COL25A1: variants seen among roughly 807,000 people sequenced by gnomAD.
The protein encoded by COL25A1 is collagen alpha-1(XXV) chain.
A neutral mutation model predicts 128.4 loss-of-function variants in COL25A1; 103 were observed. The observed-to-expected ratio is 0.80, with a 90% CI of 0.68 to 0.94. The LOEUF (loss-of-function observed/expected upper bound fraction) is 0.94. COL25A1 is among the 40% of genes least tolerant of loss of function. The probability of loss-of-function intolerance (pLI) is 0.00; values close to 1 mark genes in which losing one functional copy is unlikely to be tolerated. For missense variants in COL25A1, 745 were observed against 840.0 expected (o/e 0.89, Z 1.40); for synonymous variants, 279 against 277.2 (o/e 1.01, Z -0.06).
chr4:108,955,631 G>A (rs1432068435), intron 8 of COL25A1, among the ~76,000 whole-genome samples: 1 of 152,144 alleles, frequency 6.6e-6, no homozygotes. Context: ...ATTATGATCT[G>A]TGTCAGGAGC....
chr4:109,061,956 C>G (rs1037661812), intron 3 of COL25A1, among the ~76,000 whole-genome samples: 1 of 152,184 alleles, frequency 6.6e-6, no homozygotes, highest in Non-Finnish European at 1.5e-5. Context: ...ATGATTTTAA[C>G]TTCTGAGGTT....
At chr4:108,875,144 C>G (rs1739291992) in intron 19 of COL25A1, among the ~76,000 whole-genome samples, 1 of 152,074 alleles carries the variant, frequency 6.6e-6, no homozygotes, top group Non-Finnish European at 1.5e-5. Flanking sequence ...TAGTGCCTAA[C>G]TCATGGGCAA....
chr4:109,275,326 T>C (rs961028593), intron 3 of COL25A1, among the ~76,000 whole-genome samples: 1 of 152,196 alleles, frequency 6.6e-6, no homozygotes, highest in Non-Finnish European at 1.5e-5. Context: ...CGAGCCATTA[T>C]AGTTTCCTTC....
chr4:109,102,990 T>C (rs754691521), intron 3 of COL25A1, among the ~76,000 whole-genome samples: 1 of 152,170 alleles, frequency 6.6e-6, no homozygotes, highest in Non-Finnish European at 1.5e-5. Flanking sequence ...CAGATATTTA[T>C]AAATCATGTA....
At chr4:108,993,777 T>G (rs1325711207) in intron 6 of COL25A1, among the ~76,000 whole-genome samples, 1 of 150,860 alleles carries the variant, frequency 6.6e-6, no homozygotes, top group Non-Finnish European at 1.5e-5. Context: ...GGAGAACTGC[T>G]TGAACCCGGG....
At chr4:109,187,479 T>G (rs1775243829) in intron 3 of COL25A1, among the ~76,000 whole-genome samples, 1 of 152,186 alleles carries the variant, frequency 6.6e-6, no homozygotes, top group African/African-American at 2.4e-5. Context: ...TTTCCTCATT[T>G]GTAAGATTGC....
At chr4:109,078,831 A>C (rs1418992538) in intron 3 of COL25A1, among the ~76,000 whole-genome samples, 1 of 152,094 alleles carries the variant, frequency 6.6e-6, no homozygotes, top group Non-Finnish European at 1.5e-5. Flanking sequence ...AATCCTGAAC[A>C]CCTTCCTGGT....
At chr4:109,051,327 C>G (rs917262723) in intron 3 of COL25A1, among the ~76,000 whole-genome samples, 54 of 152,060 alleles carry the variant, frequency 3.6e-4, no homozygotes, top group African/African-American at 1.3e-3. Flanking sequence ...CTTCCAGTCC[C>G]TTACACAGAA....
chr4:108,838,272 A>T, intron 31 of COL25A1: 1 of 844,438 alleles, frequency 1.2e-6, no homozygotes, highest in South Asian at 1.5e-5. Flanking sequence ...TGCAGATTCC[A>T]GTTTTAGGAA....
At chr4:109,247,249 G>A (rs1325140493) in intron 3 of COL25A1, among the ~76,000 whole-genome samples, 1 of 152,072 alleles carries the variant, frequency 6.6e-6, no homozygotes, top group Non-Finnish European at 1.5e-5. Context: ...AGGAAGCTGA[G>A]TGAAGCAGGA....
At chr4:108,964,069 T>G (rs1023065456) in intron 8 of COL25A1, among the ~76,000 whole-genome samples, 4 of 149,848 alleles carry the variant, frequency 2.7e-5, no homozygotes, top group African/African-American at 9.7e-5. Context: ...ATGTGAATAA[T>G]TTAATTAAAT....
intron 3 of COL25A1, among the ~76,000 whole-genome samples, chr4:109,096,899 T>C (rs1357873822): frequency 6.6e-6 from 1 of 152,206 alleles, no homozygotes; most frequent in Non-Finnish European, 1.5e-5. Context: ...CTTTAATTCA[T>C]GATTCATTAA....
At chr4:108,840,368 C>T (rs1262693717) in intron 31 of COL25A1, among the ~76,000 whole-genome samples, 1 of 151,906 alleles carries the variant, frequency 6.6e-6, no homozygotes, top group East Asian at 1.9e-4. Flanking sequence ...TCTCTTCTGA[C>T]CCCCCCTCCC....
At chr4:109,155,660 T>C (rs375080858) in intron 3 of COL25A1, among the ~76,000 whole-genome samples, 42 of 152,360 alleles carry the variant, frequency 2.8e-4, no homozygotes, top group African/African-American at 9.6e-4. Context: ...TTTTTATTGC[T>C]ATGATGTTCA....
At chr4:109,027,846 G>A (rs943042661) in intron 5 of COL25A1, among the ~76,000 whole-genome samples, 4 of 152,140 alleles carry the variant, frequency 2.6e-5, no homozygotes, top group African/African-American at 4.8e-5. Context: ...AAGAGGAGCA[G>A]CTTTGGAGAG....
chr4:108,966,033 C>T (rs1317672594), intron 8 of COL25A1, among the ~76,000 whole-genome samples: 3 of 152,110 alleles, frequency 2.0e-5, no homozygotes, highest in African/African-American at 4.8e-5. Flanking sequence ...ATACAATTTT[C>T]GAATAGGTGC....
rs903871129 is a variant in COL25A1, at chr4:109,037,909, T to G, written c.420+10259A>C. 2.6e-5 allele frequency among the ~76,000 whole-genome samples: 4 copies of G among 152,260 alleles called. No individual in the cohort carries two copies. In the South Asian group the frequency reaches 6.2e-4, roughly 24 times the overall value. On this transcript the variant is annotated intron_variant, in intron 5 of 37. Coordinates refer to ENST00000399132, the MANE Select transcript of COL25A1 (RefSeq NM_198721.4). ...CCAGGAAAGCTTATCAAATCAGACA[T>G]GCATATTTACACAACACTGCCAAGT...
intron 8 of COL25A1, among the ~76,000 whole-genome samples, chr4:108,956,398 A>G (rs1750077126): frequency 6.6e-6 from 1 of 151,988 alleles, no homozygotes; most frequent in African/African-American, 2.4e-5. Flanking sequence ...CGTTTAATAC[A>G]TGTTATTTTT....
At chr4:109,069,779 A>G (rs75473671) in intron 3 of COL25A1, among the ~76,000 whole-genome samples, 254 of 152,296 alleles carry the variant, frequency 1.7e-3, no homozygotes, top group Non-Finnish European at 3.2e-3. Context: ...AAATCATGAG[A>G]ACTGGAATTG....
Sources: gnomAD v4.1 joint callset for allele counts (sites outside exome capture counted in the v4.1 genomes callset) on GRCh38, gnomAD v4.1.1 for gene constraint, MANE v1.5 for transcripts, NCBI Gene and HGNC (gene_info 2026-07-23, HGNC 2026-07-21) for gene names.